ADAMTS17: variants seen among roughly 807,000 people sequenced by gnomAD.
ADAMTS17 encodes ADAM metallopeptidase with thrombospondin type 1 motif 17, also known as A disintegrin and metalloproteinase with thrombospondin motifs 17.
A neutral mutation model predicts 141.5 loss-of-function variants in ADAMTS17; 113 were observed. The ratio of observed to expected loss-of-function variants is 0.80; its 90% CI spans 0.69 to 0.93. The LOEUF is 0.93. Ranked by LOEUF, ADAMTS17 falls within the 40% of genes least tolerant of loss-of-function variation. The pLI, the probability that ADAMTS17 is intolerant of heterozygous loss-of-function variation, is 0.00. For synonymous variants in ADAMTS17, 768 were observed against 630.6 expected, an observed-to-expected ratio of 1.22 and a Z score of -3.27; for missense variants, 1,659 against 1,517.9, an observed-to-expected ratio of 1.09 and a Z score of -1.54.
chr15:100,100,631 C>A (rs553002030), intron 14 of ADAMTS17, among the ~76,000 whole-genome samples: 7 of 152,104 alleles, frequency 4.6e-5, no homozygotes, highest in African/African-American at 1.4e-4. Context: ...GTTTTTTGTG[C>A]CCTGAAAACC....
chr15:100,137,783 C>T (rs1007538886), intron 10 of ADAMTS17, among the ~76,000 whole-genome samples: 7 of 152,188 alleles, frequency 4.6e-5, no homozygotes, highest in African/African-American at 1.7e-4. Context: ...AAAGGGCAGG[C>T]GTTGGTTGCC....
At chr15:100,088,028 A>T (rs1364212477) in intron 15 of ADAMTS17, among the ~76,000 whole-genome samples, 1 of 152,218 alleles carries the variant, frequency 6.6e-6, no homozygotes, top group Non-Finnish European at 1.5e-5. Flanking sequence ...GTATTCAATT[A>T]GGAAAAGAGG....
At chr15:100,297,175 G>T (rs1040506458) in intron 3 of ADAMTS17, among the ~76,000 whole-genome samples, 2 of 152,144 alleles carry the variant, frequency 1.3e-5, no homozygotes, top group African/African-American at 2.4e-5. Context: ...TATACACAGG[G>T]CCCAGGGGTG....
At chr15:100,109,564 G>T (rs796733904) in intron 13 of ADAMTS17, among the ~76,000 whole-genome samples, 2 of 152,268 alleles carry the variant, frequency 1.3e-5, no homozygotes, top group South Asian at 4.1e-4. Flanking sequence ...AGTAGCTTTG[G>T]TAAGAGCTTC....
In ADAMTS17 at chr15:100,341,181, A is replaced by T; in HGVS notation, c.308T>A (p.Leu103Gln). ...YLQLRRDLRF[L>Q]SRGFEVEEAG... is the part of the protein sequence containing the mutation. ...CTCCTCCACCTCGAAGCCTCGGGAC[A>T]GGAAGCGCAGGTCGCGGCGCAGCTG... Residue 103 changes from leucine to glutamine, a missense_variant, in exon 2 of 22, where the codon CTG (leucine) becomes CAG (glutamine). Coordinates refer to ENST00000268070, the MANE Select transcript of ADAMTS17 (RefSeq NM_139057.4). 1 of 1,463,258 alleles carries T rather than the reference A, an allele frequency of 6.8e-7. No individual in the cohort carries two copies. Among genetic ancestry groups the T allele is most frequent in the Non-Finnish European group, 9.0e-7 (1 of 1,111,748 alleles). 90.6% of individuals were successfully genotyped at this position (1,463,258 alleles called of 1,614,324 possible).
intron 14 of ADAMTS17, 48 bp downstream of exon 14, chr15:100,108,939 TGA>T: frequency 1.2e-6 from 2 of 1,610,420 alleles, no homozygotes; most frequent in Non-Finnish European, 1.7e-6. Context: ...CTGGGGAGAG[TGA>T]GTCTCCTCTC....
chr15:100,243,265 A>G (rs1315827696), intron 7 of ADAMTS17, among the ~76,000 whole-genome samples: 2 of 152,206 alleles, frequency 1.3e-5, no homozygotes, highest in Non-Finnish European at 2.9e-5. Flanking sequence ...TATCCTGGCT[A>G]TTGTAAATAG....
intron 4 of ADAMTS17, among the ~76,000 whole-genome samples, chr15:100,271,596 T>G (rs548387083): frequency 1.4e-5 from 2 of 146,242 alleles, no homozygotes; most frequent in Admixed American, 1.4e-4. Context: ...TTTTTTTTTT[T>G]CCTTCCTGGG....
intron 14 of ADAMTS17, among the ~76,000 whole-genome samples, chr15:100,106,054 T>G (rs2036396863): frequency 6.6e-6 from 1 of 152,184 alleles, no homozygotes; most frequent in Admixed American, 6.5e-5. Flanking sequence ...TGGAGTGCAG[T>G]GGCAAAATCT....
chr15:100,311,172 A>G (rs1433174329), intron 3 of ADAMTS17, among the ~76,000 whole-genome samples: 3 of 152,222 alleles, frequency 2.0e-5, no homozygotes, highest in African/African-American at 7.2e-5. Context: ...CCGGGAGGGA[A>G]GCCGGGTGTG....
intron 7 of ADAMTS17, among the ~76,000 whole-genome samples, chr15:100,222,382 G>A (rs1442286586): frequency 1.3e-5 from 2 of 152,208 alleles, no homozygotes; most frequent in African/African-American, 4.8e-5. Context: ...CAGCACGTCT[G>A]AACAGAAAGA....
At chr15:100,150,569 T>C (rs2039113749) in intron 10 of ADAMTS17, among the ~76,000 whole-genome samples, 1 of 152,168 alleles carries the variant, frequency 6.6e-6, no homozygotes, top group Non-Finnish European at 1.5e-5. Context: ...CCAGTACAAG[T>C]GCCTTCCTCC....
chr15:100,210,800 C>G (rs2041776344), intron 7 of ADAMTS17, among the ~76,000 whole-genome samples: 2 of 151,188 alleles, frequency 1.3e-5, no homozygotes, highest in African/African-American at 4.9e-5. Flanking sequence ...AACCCCGTCT[C>G]TACTAAAAAT....
chr15:100,338,183 A>T (rs1386569803), intron 2 of ADAMTS17, among the ~76,000 whole-genome samples: 3 of 152,248 alleles, frequency 2.0e-5, no homozygotes, highest in Non-Finnish European at 4.4e-5. Flanking sequence ...GGAATGCGGC[A>T]GGCCCATGCC....
At chr15:100,185,473 A>G (rs1452484886) in intron 8 of ADAMTS17, among the ~76,000 whole-genome samples, 1 of 152,218 alleles carries the variant, frequency 6.6e-6, no homozygotes, top group Non-Finnish European at 1.5e-5. Flanking sequence ...CTAAAGTGAG[A>G]TCAGAGATCA....
intron 20 of ADAMTS17, among the ~76,000 whole-genome samples, chr15:99,977,842 C>T (rs543584073): frequency 6.6e-6 from 1 of 152,274 alleles, no homozygotes; most frequent in East Asian, 1.9e-4. Flanking sequence ...ATGGTCTCTT[C>T]TCCCTTACAT....
Position 100,155,329 on chromosome 15 carries a change from G to A in ADAMTS17, c.1182-9C>T, listed in dbSNP as rs376810466. Reference sequence around the variant, plus strand: ...CGTGGTTCATGCCCAAGCTGTCCAAGAAGGAGGAGAGAGGGATGCTTATGC... The same window carrying A: ...CGTGGTTCATGCCCAAGCTGTCCAAAAAGGAGGAGAGAGGGATGCTTATGC... On this transcript the variant is annotated splice_polypyrimidine_tract_variant and intron_variant, in intron 8 of 21. Transcript: ENST00000268070. 61 of 1,612,590 alleles carry A rather than the reference G, an allele frequency of 3.8e-5. No individual in the cohort carries two copies. In the African/African-American group the frequency reaches 7.5e-4, roughly 20 times the overall value.
At chr15:100,078,550 C>G (rs1252899920) in intron 15 of ADAMTS17, among the ~76,000 whole-genome samples, 5 of 144,188 alleles carry the variant, frequency 3.5e-5, no homozygotes, top group Non-Finnish European at 7.4e-5. Context: ...TATTTCAGAC[C>G]ATACAAAAAA....
At chr15:100,238,027 G>A (rs1007707731) in intron 7 of ADAMTS17, among the ~76,000 whole-genome samples, 18 of 152,202 alleles carry the variant, frequency 1.2e-4, no homozygotes, top group African/African-American at 3.9e-4. Context: ...AAGCAAAGAC[G>A]GAGTGGGCCC....
Sources: gnomAD v4.1 joint callset for allele counts (sites outside exome capture counted in the v4.1 genomes callset) on GRCh38, gnomAD v4.1.1 for gene constraint, MANE v1.5 for transcripts, NCBI Gene and HGNC (gene_info 2026-07-23, HGNC 2026-07-21) for gene names.